The following QTMAN variants were observed in gnomAD, a reference collection of about 807,000 sequenced individuals.
The protein encoded by QTMAN is tRNA-queuosine alpha-mannosyltransferase.
chr2:144,309,709 A>G, the QTMAN span, among the ~76,000 whole-genome samples: 10 of 152,244 alleles, frequency 6.6e-5, no homozygotes, highest in African/African-American at 2.2e-4. Flanking sequence ...CTGTCAAAAC[A>G]TTAACTTGTA....
the QTMAN span, among the ~76,000 whole-genome samples, chr2:143,953,906 A>G: frequency 6.6e-6 from 1 of 151,924 alleles, no homozygotes; most frequent in African/African-American, 2.4e-5. Context: ...GCTGTTTTTA[A>G]GTGGCTGATG....
the QTMAN span, among the ~76,000 whole-genome samples, chr2:144,134,092 GGGAGCCAC>G: frequency 6.6e-6 from 1 of 152,094 alleles, no homozygotes. Context: ...GTTTTCCGTG[GGGAGCCAC>G]GGGGGCTGCC....
the QTMAN span, among the ~76,000 whole-genome samples, chr2:144,153,801 A>G: frequency 6.6e-6 from 1 of 152,208 alleles, no homozygotes; most frequent in African/African-American, 2.4e-5. Context: ...TGTAATGTTG[A>G]TGGTAATATT....
the QTMAN span, among the ~76,000 whole-genome samples, chr2:144,263,615 T>C: frequency 1.3e-5 from 2 of 152,078 alleles, no homozygotes; most frequent in East Asian, 1.9e-4. Context: ...TCCCAGCTAC[T>C]TGGGAGGCTG....
the QTMAN span, among the ~76,000 whole-genome samples, chr2:144,185,608 T>C: frequency 6.6e-6 from 1 of 152,156 alleles, no homozygotes; most frequent in Non-Finnish European, 1.5e-5. Flanking sequence ...AACCATAATC[T>C]TCTTTGAAGT....
At chr2:144,046,720 A>G in the QTMAN span, among the ~76,000 whole-genome samples, 1 of 152,240 alleles carries the variant, frequency 6.6e-6, no homozygotes, top group Non-Finnish European at 1.5e-5. Flanking sequence ...TGAGTAGAGC[A>G]GTTTTCTGAT....
chr2:144,107,284 C>G, the QTMAN span, among the ~76,000 whole-genome samples: 1 of 151,908 alleles, frequency 6.6e-6, no homozygotes, highest in Admixed American at 6.6e-5. Flanking sequence ...AATAGAGACA[C>G]AAAAAACCCT....
chr2:143,972,401 C>G, the QTMAN span, among the ~76,000 whole-genome samples: 1 of 151,428 alleles, frequency 6.6e-6, no homozygotes, highest in Non-Finnish European at 1.5e-5. Flanking sequence ...AAAATTTTGG[C>G]TATGGATACC....
the QTMAN span, among the ~76,000 whole-genome samples, chr2:143,957,707 C>G: frequency 6.6e-6 from 1 of 152,148 alleles, no homozygotes; most frequent in African/African-American, 2.4e-5. Flanking sequence ...ACAAACACAT[C>G]ACACCAAAAA....
At chr2:144,242,456 A>C in the QTMAN span, among the ~76,000 whole-genome samples, 1 of 152,194 alleles carries the variant, frequency 6.6e-6, no homozygotes, top group East Asian at 1.9e-4. Flanking sequence ...TGATCACATT[A>C]AGCTAGGTAT....
chr2:143,996,988 G>C, the QTMAN span, among the ~76,000 whole-genome samples: 78 of 152,200 alleles, frequency 5.1e-4, no homozygotes, highest in Non-Finnish European at 8.8e-4. Context: ...AAGAGACACA[G>C]TATTTTAGGG....
the QTMAN span, among the ~76,000 whole-genome samples, chr2:144,034,587 A>G: frequency 6.6e-6 from 1 of 151,970 alleles, no homozygotes; most frequent in Non-Finnish European, 1.5e-5. Context: ...ATCCATCTCT[A>G]GTTTATTTTC....
At chr2:143,993,359 A>C in the QTMAN span, among the ~76,000 whole-genome samples, 1 of 151,944 alleles carries the variant, frequency 6.6e-6, no homozygotes, top group African/African-American at 2.4e-5. Context: ...AGACATCTGC[A>C]TCTTAATCCT....
the QTMAN span, among the ~76,000 whole-genome samples, chr2:144,314,555 T>C: frequency 3.3e-5 from 5 of 151,966 alleles, no homozygotes; most frequent in South Asian, 4.2e-4. Flanking sequence ...TACTAAAAAA[T>C]ACAAAAAATT....
the QTMAN span, among the ~76,000 whole-genome samples, chr2:143,978,897 C>T: frequency 2.0e-5 from 3 of 152,146 alleles, no homozygotes; most frequent in African/African-American, 7.2e-5. Context: ...ACATTCAAAA[C>T]GCTTACTAGT....
At chr2:144,095,978 T>C in the QTMAN span, among the ~76,000 whole-genome samples, 2 of 152,204 alleles carry the variant, frequency 1.3e-5, no homozygotes, top group South Asian at 2.1e-4. Context: ...CTGAAATACA[T>C]AAAAATCTTA....
chr2:144,206,557 T>G, the QTMAN span, among the ~76,000 whole-genome samples: 2 of 152,304 alleles, frequency 1.3e-5, no homozygotes, highest in Admixed American at 1.3e-4. Flanking sequence ...TAAAGACTGA[T>G]TAGATTAGTA....
the QTMAN span, among the ~76,000 whole-genome samples, chr2:144,116,334 G>T: frequency 6.7e-6 from 1 of 148,400 alleles, no homozygotes; most frequent in Admixed American, 6.7e-5. Flanking sequence ...TATGTGAGGG[G>T]TGTGTGTGTG....
At chr2:144,155,072 C>T in the QTMAN span, among the ~76,000 whole-genome samples, 2 of 152,082 alleles carry the variant, frequency 1.3e-5, no homozygotes, top group African/African-American at 4.8e-5. Context: ...GCTTACATTC[C>T]CCATGCCCCA....
Sources: allele counts gnomAD v4.1 joint callset (sites outside exome capture counted in the v4.1 genomes callset), GRCh38; gene constraint gnomAD v4.1.1; transcripts MANE v1.5; gene names NCBI Gene and HGNC (gene_info 2026-07-23, HGNC 2026-07-21).